The following SSBP3 variants were observed in gnomAD, a reference collection of about 807,000 sequenced individuals.
SSBP3 encodes the protein single stranded DNA binding protein 3.
Under a neutral mutation model 69.6 loss-of-function variants are expected in SSBP3, and 5 were observed. The observed-to-expected ratio is 0.07, with a 90% CI of 0.04 to 0.15. The LOEUF (loss-of-function observed/expected upper bound fraction) is 0.15, where lower values mean the gene tolerates loss of function less well. Among genes scored for constraint, SSBP3 ranks in the 10% least tolerant of loss-of-function variants. The probability of loss-of-function intolerance (pLI) is 1.00; values close to 1 mark genes in which losing one functional copy is unlikely to be tolerated. For synonymous variants in SSBP3, 196 were observed against 193.4 expected (o/e 1.01, Z -0.11); for missense variants, 312 against 534.0 (o/e 0.58, Z 4.10).
intron 14 of SSBP3, chr1:54,238,650 C>G: frequency 3.2e-6 from 1 of 315,414 alleles, no homozygotes; most frequent in South Asian, 3.2e-5. Flanking sequence ...AAAGAAGCTG[C>G]CAGGTATTGG....
At chr1:54,257,578 C>A (rs562199749) in intron 6 of SSBP3, among the ~76,000 whole-genome samples, 2 of 152,210 alleles carry the variant, frequency 1.3e-5, no homozygotes, top group African/African-American at 4.8e-5. Context: ...GCTGGACACA[C>A]GAGCACGCAC....
intron 5 of SSBP3, among the ~76,000 whole-genome samples, chr1:54,263,282 C>T (rs539765982): frequency 2.6e-5 from 4 of 152,216 alleles, no homozygotes; most frequent in East Asian, 3.8e-4. Context: ...CCAGCCCTCC[C>T]GCACGCTCCG....
chr1:54,325,028 T>C (rs1266911625), intron 4 of SSBP3, among the ~76,000 whole-genome samples: 1 of 152,216 alleles, frequency 6.6e-6, no homozygotes, highest in Non-Finnish European at 1.5e-5. Context: ...TGGACCTATG[T>C]TCTCTGGCTT....
intron 4 of SSBP3, 50 bp downstream of exon 4, chr1:54,401,811 G>C: frequency 1.3e-6 from 2 of 1,511,942 alleles, no homozygotes; most frequent in Non-Finnish European, 1.8e-6. Context: ...AGAGAAGTTA[G>C]AGCTATCCAA....
intron 3 of SSBP3, among the ~76,000 whole-genome samples, chr1:54,403,108 C>G (rs936629443): frequency 6.6e-6 from 1 of 152,182 alleles, no homozygotes; most frequent in African/African-American, 2.4e-5. Context: ...AGTGTCAAAT[C>G]GCACAAACCA....
chr1:54,372,966 G>A (rs765112727), intron 4 of SSBP3, among the ~76,000 whole-genome samples: 4 of 152,194 alleles, frequency 2.6e-5, no homozygotes, highest in African/African-American at 4.8e-5. Context: ...TGGGAGGCAG[G>A]GGGAGATGTT....
At chr1:54,273,400 C>T (rs897157141) in intron 5 of SSBP3, among the ~76,000 whole-genome samples, 1 of 152,194 alleles carries the variant, frequency 6.6e-6, no homozygotes, top group Non-Finnish European at 1.5e-5. Flanking sequence ...GGGAGGGCGA[C>T]TGAGCTGAGC....
chr1:54,359,495 G>A (rs906514756), intron 4 of SSBP3, among the ~76,000 whole-genome samples: 2 of 152,132 alleles, frequency 1.3e-5, no homozygotes, highest in Admixed American at 6.5e-5. Context: ...CTTTAAAAAA[G>A]CACCTAGGAT....
chr1:54,282,448 G>C (rs1557492799), intron 4 of SSBP3, among the ~76,000 whole-genome samples: 1 of 152,222 alleles, frequency 6.6e-6, no homozygotes, highest in Non-Finnish European at 1.5e-5. Flanking sequence ...CTCGCGAAGT[G>C]GGGGGACCGT....
In SSBP3 at chr1:54,367,596, A is replaced by G. The variant is rs529323991; in HGVS notation, c.276+34265T>C. On this transcript the variant is annotated intron_variant, in intron 4 of 17. Coordinates refer to ENST00000610401, the Ensembl canonical transcript of SSBP3. ...AGCACTCTGGTGCCAGACTAGCCAGATAAGGCAGCACGGCAAGCTACATGA... is the reference window on the plus strand; with the variant it reads ...AGCACTCTGGTGCCAGACTAGCCAGGTAAGGCAGCACGGCAAGCTACATGA... 1.2e-4 allele frequency among the ~76,000 whole-genome samples: 19 copies of G among 152,374 alleles called. No homozygotes were observed. The South Asian group carries it at 3.9e-3, about 32-fold the overall frequency.
intron 4 of SSBP3, among the ~76,000 whole-genome samples, chr1:54,373,925 G>A (rs1332773718): frequency 6.6e-6 from 1 of 152,144 alleles, no homozygotes; most frequent in Non-Finnish European, 1.5e-5. Context: ...TGGTGTGCAC[G>A]TCTGGACCAC....
chr1:54,324,017 T>C (rs1646258795), intron 4 of SSBP3, among the ~76,000 whole-genome samples: 3 of 152,206 alleles, frequency 2.0e-5, no homozygotes, highest in Admixed American at 1.3e-4. Flanking sequence ...CATTTAATCC[T>C]CAAGCATCCT....
chr1:54,402,279 A>C (rs576022550), intron 3 of SSBP3, among the ~76,000 whole-genome samples: 1 of 152,332 alleles, frequency 6.6e-6, no homozygotes, highest in South Asian at 2.1e-4. Context: ...CCAAGGGGTT[A>C]GTAGAACCTA....
At chr1:54,242,502 C>T (rs987409486) in intron 10 of SSBP3, among the ~76,000 whole-genome samples, 1 of 152,190 alleles carries the variant, frequency 6.6e-6, no homozygotes, top group Non-Finnish European at 1.5e-5. Context: ...CACATTCTCA[C>T]AACAGGGTTA....
rs200227610 is a variant in SSBP3, at chr1:54,242,148, C to A, written c.765+16G>T. 1 of 1,612,388 alleles carries A rather than the reference C, an allele frequency of 6.2e-7. No individual in the cohort carries two copies. The highest frequency in any genetic ancestry group is 1.3e-5 in the African/African-American group (1 of 74,996). ...CTCCCCTGACAAACACCACCCCACC[C>A]GACCCAGGTACTCACTGAGTTAGCA... On this transcript the variant is annotated intron_variant, in intron 11 of 17. Coordinates refer to ENST00000610401, the Ensembl canonical transcript of SSBP3.
At chr1:54,318,059 C>T (rs1230805507) in intron 4 of SSBP3, among the ~76,000 whole-genome samples, 1 of 152,218 alleles carries the variant, frequency 6.6e-6, no homozygotes, top group African/African-American at 2.4e-5. Context: ...TGAGCCACTG[C>T]GCCCGGCCTC....
chr1:54,369,691 G>A (rs1647093523), intron 4 of SSBP3, among the ~76,000 whole-genome samples: 1 of 129,714 alleles, frequency 7.7e-6, no homozygotes, highest in African/African-American at 2.5e-5. Context: ...CTCAAACCTG[G>A]TGTACGAAGA....
chr1:54,257,204 T>C lies in SSBP3; in HGVS notation c.448-18A>G. 1 of 1,589,054 alleles carries C rather than the reference T, an allele frequency of 6.3e-7. No homozygotes were observed. Among genetic ancestry groups the C allele is most frequent in the Non-Finnish European group, 8.5e-7 (1 of 1,170,510 alleles). On this transcript the variant is annotated intron_variant, in intron 6 of 17. Transcript: ENST00000610401. ...ATAAAAGGCTGCAATTATAGGTAATTAGTTCAATGACAGCCTGCCCTACTG... is the reference window on the plus strand; with the variant it reads ...ATAAAAGGCTGCAATTATAGGTAATCAGTTCAATGACAGCCTGCCCTACTG...
intron 4 of SSBP3, among the ~76,000 whole-genome samples, chr1:54,399,644 G>A (rs561206434): frequency 2.0e-5 from 3 of 151,890 alleles, no homozygotes; most frequent in South Asian, 2.1e-4. Flanking sequence ...GGTAAGAGAG[G>A]AATGCATTCC....
Sources: allele counts gnomAD v4.1 joint callset (sites outside exome capture counted in the v4.1 genomes callset), GRCh38; gene constraint gnomAD v4.1.1; transcripts MANE v1.5; gene names NCBI Gene and HGNC (gene_info 2026-07-23, HGNC 2026-07-21).